The following ERG variants were observed in gnomAD, a reference collection of about 807,000 sequenced individuals.
ERG encodes the protein ETS transcription factor ERG.
Under a neutral mutation model 55.3 loss-of-function variants are expected in ERG, and 9 were observed. That is an observed-to-expected ratio of 0.16 (90% CI 0.10 to 0.28). ERG has a LOEUF of 0.28. Ranked by LOEUF, ERG falls within the 10% of genes least tolerant of loss-of-function variation. ERG has a pLI of 1.00. For missense variants in ERG, 434 were observed against 631.6 expected (o/e 0.69, Z 3.35); for synonymous variants, 223 against 237.3 (o/e 0.94, Z 0.55).
chr21:38,403,590 T>C lies in ERG; in HGVS notation c.508A>G (p.Lys170Glu), dbSNP rs1988614578. The change falls in exon 4 of 10, where the codon AAG (lysine) becomes GAG (glutamate). Residue 170 changes from lysine (K) to glutamate (E), a missense_variant. Lys to Glu is a moderately conservative substitution (Grantham distance 56, BLOSUM62 1). Transcript: ENST00000288319. Reference protein sequence around the residue: ...FQNIDGKELCKMTKDDFQRLT... With the variant: ...FQNIDGKELCEMTKDDFQRLT... ...CTCTGGAAGTCGTCCTTGGTCATCT[T>C]GCACAGTTCCTTCCCATCGATGTTC... 9 of 1,614,210 alleles carry C rather than the reference T, an allele frequency of 5.6e-6. No homozygotes were observed. The highest frequency in any genetic ancestry group is 5.9e-6 in the Non-Finnish European group (7 of 1,180,034).
rs140086062 is a variant in ERG, at chr21:38,635,030, T to G, written c.-150+26628A>C. Reference sequence around the variant, plus strand: ...CGGAGGAATCCTGAGTGCATATTGCTAAGGGAAAAGTCAATATGAAAAGCC... The same window carrying G: ...CGGAGGAATCCTGAGTGCATATTGCGAAGGGAAAAGTCAATATGAAAAGCC... On this transcript the variant is annotated intron_variant, in intron 1 of 10. Transcript: ENST00000398910. Among the ~76,000 whole-genome samples the G allele has an allele frequency of 1.3e-3, 199 of 152,248 alleles. 2 individuals are homozygous for G. Among genetic ancestry groups the G allele is most frequent in the African/African-American group, 4.5e-3 (188 of 41,542 alleles).
At chr21:38,394,623 A>ATT (rs1411492214) in intron 6 of ERG, among the ~76,000 whole-genome samples, 1 of 152,126 alleles carries the variant, frequency 6.6e-6, no homozygotes, top group Admixed American at 6.5e-5. Flanking sequence ...AAGTGCTGGG[A>ATT]TTACAGGCGT....
chr21:38,411,214 T>C (rs1989030628), intron 3 of ERG, among the ~76,000 whole-genome samples: 1 of 152,270 alleles, frequency 6.6e-6, no homozygotes, highest in Admixed American at 6.5e-5. Flanking sequence ...CTGAGCCTTT[T>C]AAATTTCTAA....
intron 1 of ERG, among the ~76,000 whole-genome samples, chr21:38,473,585 A>G (rs2059159772): frequency 6.6e-6 from 1 of 152,224 alleles, no homozygotes. Flanking sequence ...TCAAAAATTA[A>G]GATGCATTTA....
chr21:38,480,595 T>TTTTTTTG (rs2059229609), intron 1 of ERG, among the ~76,000 whole-genome samples: 1 of 109,070 alleles, frequency 9.2e-6, no homozygotes, highest in Non-Finnish European at 2.1e-5. Context: ...TATGGCCTTT[T>TTTTTTTG]TTTTTTTTTT....
At chr21:38,492,367 C>T (rs1231666953) in intron 1 of ERG, among the ~76,000 whole-genome samples, 1 of 152,106 alleles carries the variant, frequency 6.6e-6, no homozygotes. Context: ...TCTTAAACAT[C>T]AATTTAAGTC....
intron 5 of ERG, among the ~76,000 whole-genome samples, chr21:38,400,857 G>A (rs890412385): frequency 2.0e-5 from 3 of 152,160 alleles, no homozygotes; most frequent in African/African-American, 7.2e-5. Context: ...CCTGTGCCCC[G>A]TTTGCTATAA....
chr21:38,639,412 T>A, intron 1 of ERG, among the ~76,000 whole-genome samples: 1 of 147,912 alleles, frequency 6.8e-6, no homozygotes, highest in South Asian at 2.1e-4. Context: ...GAACAAATAA[T>A]ACAGCCATTA....
At chr21:38,367,878 A>G in the ERG span, among the ~76,000 whole-genome samples, 1 of 152,146 alleles carries the variant, frequency 6.6e-6, no homozygotes, top group Non-Finnish European at 1.5e-5. Context: ...TCTGCAGAGA[A>G]CAATTAGAGT....
chr21:38,557,121 T>C (rs2059863213), intron 2 of ERG, among the ~76,000 whole-genome samples: 1 of 152,190 alleles, frequency 6.6e-6, no homozygotes. Flanking sequence ...AAGCTATGTG[T>C]ACTCAGGAAG....
chr21:38,657,842 A>T (rs1002517901), intron 1 of ERG, among the ~76,000 whole-genome samples: 1 of 152,166 alleles, frequency 6.6e-6, no homozygotes, highest in East Asian at 1.9e-4. Context: ...GAACAGCAAC[A>T]ATATGGAGGG....
intron 2 of ERG, among the ~76,000 whole-genome samples, chr21:38,442,064 T>TGGGCA (rs2058846395): frequency 6.6e-6 from 1 of 152,238 alleles, no homozygotes; most frequent in Non-Finnish European, 1.5e-5. Context: ...GTTAGAATTC[T>TGGGCA]ATGAGCCCTG....
chr21:38,485,016 A>T (rs1418464872), intron 1 of ERG, among the ~76,000 whole-genome samples: 1 of 152,192 alleles, frequency 6.6e-6, no homozygotes, highest in Non-Finnish European at 1.5e-5. Context: ...TCCAAAAAAA[A>T]AAAAAGTTAA....
In ERG at chr21:38,482,760, C is replaced by G. The variant is rs529386586; in HGVS notation, c.18+15603G>C. ...TGGCATGATCTCGACTGACTGCAAC[C>G]TCTGCCTCCCAGGTTCAAGTGATTC... On this transcript the variant is annotated intron_variant, in intron 1 of 9. Coordinates refer to ENST00000288319, the MANE Select transcript of ERG (RefSeq NM_182918.4). Among the ~76,000 whole-genome samples the G allele has an allele frequency of 2.7e-3, 403 of 152,062 alleles. 4 individuals are homozygous for G. Among genetic ancestry groups the G allele is most frequent in the African/African-American group, 9.2e-3 (380 of 41,480 alleles).
the ERG span, among the ~76,000 whole-genome samples, chr21:38,372,343 C>G: frequency 0.33 from 50,077 of 151,634 alleles, 8,791 homozygotes; most frequent in African/African-American, 0.45. Flanking sequence ...TTTCTGTTAT[C>G]TTTATAATAT....
chr21:38,658,581 A>G (rs1047428855), intron 1 of ERG, among the ~76,000 whole-genome samples: 4 of 152,144 alleles, frequency 2.6e-5, no homozygotes, highest in African/African-American at 4.8e-5. Flanking sequence ...AACTAATATT[A>G]CTTTTAGAAA....
chr21:38,624,317 G>C (rs1212257747), intron 1 of ERG, among the ~76,000 whole-genome samples: 1 of 152,128 alleles, frequency 6.6e-6, no homozygotes, highest in Non-Finnish European at 1.5e-5. Context: ...AGGGGAGGGA[G>C]AGCATTAGGA....
At chr21:38,466,969 G>C (rs1337249899) in intron 1 of ERG, among the ~76,000 whole-genome samples, 1 of 152,166 alleles carries the variant, frequency 6.6e-6, no homozygotes, top group Non-Finnish European at 1.5e-5. Context: ...CCTGCAAAGA[G>C]GGACTAGAGC....
At chr21:38,469,476 A>G (rs2836426) in intron 1 of ERG, among the ~76,000 whole-genome samples, 45,630 of 152,072 alleles carry the variant, frequency 0.3, 8,565 homozygotes, top group Non-Finnish European at 0.41. Flanking sequence ...GGAATATCCT[A>G]CTTTCTTAGA....
Sources: allele counts gnomAD v4.1 joint callset (sites outside exome capture counted in the v4.1 genomes callset), GRCh38; gene constraint gnomAD v4.1.1; transcripts MANE v1.5; gene names NCBI Gene and HGNC (gene_info 2026-07-23, HGNC 2026-07-21).